STK31: variants seen among roughly 807,000 people sequenced by gnomAD.
The protein encoded by STK31 is serine/threonine kinase 31, also known as serine/threonine-protein kinase 31.
In STK31, 89 loss-of-function variants were observed where a neutral mutation model predicts 129.7. That is an observed-to-expected ratio of 0.69 (90% CI 0.58 to 0.82). The LOEUF is 0.82. Ranked by LOEUF, STK31 falls within the 40% of genes least tolerant of loss-of-function variation. The pLI is 0.00. For synonymous variants in STK31, 448 were observed against 395.3 expected (o/e 1.13, Z -1.58); for missense variants, 1,187 against 1,176.4 (o/e 1.01, Z -0.13).
chr7:23,723,506 T>G (rs940511996), intron 4 of STK31, among the ~76,000 whole-genome samples: 1 of 152,198 alleles, frequency 6.6e-6, no homozygotes, highest in East Asian at 1.9e-4. Context: ...CTCCTTTTCT[T>G]CTATTGAATA....
intron 21 of STK31, among the ~76,000 whole-genome samples, 195 bp from the exon 22 acceptor site, chr7:23,790,629 A>C (rs943948186): frequency 6.6e-6 from 1 of 152,200 alleles, no homozygotes; most frequent in African/African-American, 2.4e-5. Context: ...AATGTAAAAA[A>C]AAGTCCCATA....
chr7:23,710,194 C>A (rs908751101), upstream of STK31: 19 of 1,600,544 alleles, frequency 1.2e-5, 1 homozygote, highest in Admixed American at 1.2e-4. Flanking sequence ...CAGCGCTGTG[C>A]ACGCAGGCGC....
At chr7:23,731,844 A>G (rs1787450074) in intron 6 of STK31, among the ~76,000 whole-genome samples, 1 of 152,232 alleles carries the variant, frequency 6.6e-6, no homozygotes, top group African/African-American at 2.4e-5. Context: ...TTTCTAATAT[A>G]TACAGGCAGA....
At chr7:23,739,932 G>C (rs1207777452) in intron 8 of STK31, among the ~76,000 whole-genome samples, 1 of 152,114 alleles carries the variant, frequency 6.6e-6, no homozygotes, top group Non-Finnish European at 1.5e-5. Context: ...TGTTCATTTT[G>C]CTTAGGTTTG....
chr7:23,817,366 G>C (rs1175643911), intron 23 of STK31, among the ~76,000 whole-genome samples: 1 of 152,054 alleles, frequency 6.6e-6, no homozygotes, highest in East Asian at 1.9e-4. Context: ...TAATAATTTA[G>C]AAATTTGAAC....
chr7:23,758,425 T>C (rs1406737360), intron 10 of STK31, among the ~76,000 whole-genome samples: 1 of 152,100 alleles, frequency 6.6e-6, no homozygotes, highest in African/African-American at 2.4e-5. Context: ...CTAGATTCAT[T>C]GATTTTTTTT....
At position 23,762,926 on chromosome 7, in the gene STK31, T is replaced by G. The variant is rs748211043; in HGVS notation, c.1416+3T>G. ...ATAAACGCTTAAAAACATTGCAGGTTGGAATTAAAAATATATTAAATATAC... is the reference window on the plus strand; with the variant it reads ...ATAAACGCTTAAAAACATTGCAGGTGGGAATTAAAAATATATTAAATATAC... On this transcript the variant is annotated splice_donor_region_variant and intron_variant, in intron 11 of 23. Coordinates refer to ENST00000355870, the MANE Select transcript of STK31 (RefSeq NM_031414.5). The G allele has an allele frequency of 8.9e-5, 139 of 1,557,548 alleles. No individual in the cohort carries two copies. Among genetic ancestry groups the G allele is most frequent in the Admixed American group, 1.7e-4 (8 of 47,554 alleles).
At chr7:23,775,680 G>A (rs1229092845) in intron 15 of STK31, among the ~76,000 whole-genome samples, 1 of 152,152 alleles carries the variant, frequency 6.6e-6, no homozygotes, top group African/African-American at 2.4e-5. Flanking sequence ...CATTGATTTT[G>A]TATCCTGAGA....
At chr7:23,779,501 A>T (rs1790774609) in intron 15 of STK31, among the ~76,000 whole-genome samples, 1 of 152,122 alleles carries the variant, frequency 6.6e-6, no homozygotes, top group South Asian at 2.1e-4. Context: ...TAAGCCCCTG[A>T]CTGGGGCTTC....
chr7:23,791,184 A>G, intron 22 of STK31: 2 of 853,798 alleles, frequency 2.3e-6, no homozygotes, highest in African/African-American at 3.7e-5. Context: ...CAAGATTAAC[A>G]GTGAAGATGA....
chr7:23,764,365 A>G (rs989183527), intron 11 of STK31, among the ~76,000 whole-genome samples: 1 of 152,072 alleles, frequency 6.6e-6, no homozygotes, highest in Non-Finnish European at 1.5e-5. Flanking sequence ...GCTTGTCTCC[A>G]CTTCTAGTAT....
chr7:23,786,974 A>G (rs771577263), intron 20 of STK31, 50 bp downstream of exon 20: 62 of 1,544,644 alleles, frequency 4.0e-5, no homozygotes, highest in Non-Finnish European at 5.4e-5. Context: ...ATGAGAAAAT[A>G]ACACCTGATA....
chr7:23,809,257 G>A (rs972482777), intron 22 of STK31, among the ~76,000 whole-genome samples: 1 of 151,932 alleles, frequency 6.6e-6, no homozygotes, highest in Non-Finnish European at 1.5e-5. Context: ...CTGTTGCACT[G>A]CATTACTTTA....
chr7:23,832,154 C>T lies in STK31; in HGVS notation c.2848C>T (p.Leu950Phe). Reference protein sequence around the residue: ...QFHLDDKVKSLLCSLICYRSS... With the variant: ...QFHLDDKVKSFLCSLICYRSS... Reference sequence around the variant, plus strand: ...CTTGCAGGATGATAAAGTCAAATCCCTCCTCTGTAGCTTGATATGTTATAG... The same window carrying T: ...CTTGCAGGATGATAAAGTCAAATCCTTCCTCTGTAGCTTGATATGTTATAG... The change falls in exon 24 of 24, where the codon CTC (leucine) becomes TTC (phenylalanine). Residue 950 changes from leucine to phenylalanine, a missense_variant. Physicochemically the swap from Leu to Phe is conservative, Grantham distance 22. Transcript: ENST00000355870. 6.2e-7 allele frequency: 1 copy of T among 1,613,510 alleles called. No individual in the cohort carries two copies. The highest frequency in any genetic ancestry group is 8.5e-7 in the Non-Finnish European group (1 of 1,179,712).
intron 21 of STK31, 80 bp downstream of exon 21, chr7:23,788,209 A>T: frequency 8.5e-7 from 1 of 1,176,798 alleles, no homozygotes; most frequent in Middle Eastern, 2.9e-4. Context: ...TATATATAAT[A>T]TAATACTTTA....
chr7:23,718,188 C>G (rs115195589), intron 4 of STK31, among the ~76,000 whole-genome samples: 1 of 152,020 alleles, frequency 6.6e-6, no homozygotes, highest in Non-Finnish European at 1.5e-5. Flanking sequence ...GTGAAGAAAA[C>G]GTATGTACTG....
intron 23 of STK31, among the ~76,000 whole-genome samples, chr7:23,829,803 C>T (rs1157890696): frequency 3.9e-5 from 6 of 152,284 alleles, no homozygotes; most frequent in Middle Eastern, 3.4e-3. Context: ...GACCAAATCC[C>T]GTTACTTGTT....
At chr7:23,725,379 A>AG (rs1161064335) in intron 4 of STK31, among the ~76,000 whole-genome samples, 13 of 144,294 alleles carry the variant, frequency 9.0e-5, no homozygotes, top group Non-Finnish European at 1.7e-4. Context: ...CTACAAAAAA[A>AG]AAAAAAAAAA....
chr7:23,773,080 A>G (rs928499397), intron 15 of STK31, among the ~76,000 whole-genome samples: 3 of 152,152 alleles, frequency 2.0e-5, no homozygotes, highest in African/African-American at 7.2e-5. Flanking sequence ...GTTCTGGGAT[A>G]CATGTGCAGA....
Sources: gnomAD v4.1 joint callset for allele counts (sites outside exome capture counted in the v4.1 genomes callset) on GRCh38, gnomAD v4.1.1 for gene constraint, MANE v1.5 for transcripts, NCBI Gene and HGNC (gene_info 2026-07-23, HGNC 2026-07-21) for gene names.